Variants in KDM4B observed in about 807,000 individuals in gnomAD.
KDM4B encodes lysine-specific demethylase 4B.
KDM4B carries 32 observed loss-of-function variants against 125.2 expected under a neutral mutation model. The observed-to-expected ratio is 0.26, with a 90% CI of 0.19 to 0.34. The LOEUF is 0.34. Among genes scored for constraint, KDM4B ranks in the 10% least tolerant of loss-of-function variants. The pLI, the probability that KDM4B is intolerant of heterozygous loss-of-function variation, is 1.00. For synonymous variants in KDM4B, 721 were observed against 677.9 expected, an observed-to-expected ratio of 1.06 and a Z score of -0.99; for missense variants, 1,190 against 1,577.7, an observed-to-expected ratio of 0.75 and a Z score of 4.16.
intron 9 of KDM4B, among the ~76,000 whole-genome samples, chr19:5,094,785 G>A (rs936419986): frequency 1.3e-4 from 20 of 152,276 alleles, no homozygotes; most frequent in Admixed American, 7.2e-4. Context: ...ACGTAGCACC[G>A]TATCCATTAA....
chr19:5,066,594 T>A (rs2037777471), intron 6 of KDM4B, among the ~76,000 whole-genome samples: 1 of 152,232 alleles, frequency 6.6e-6, no homozygotes. Flanking sequence ...CACGCTGCTT[T>A]GGCTTGCACA....
chr19:5,113,920 T>A (rs2039202650), intron 10 of KDM4B: 1 of 1,209,740 alleles, frequency 8.3e-7, no homozygotes, highest in East Asian at 5.7e-5. Flanking sequence ...TCGGCACAGC[T>A]GCCTGAGCTC....
chr19:5,151,482 G>C lies in KDM4B; in HGVS notation c.3262G>C (p.Val1088Leu). 1 of 1,481,632 alleles carries C rather than the reference G, an allele frequency of 6.7e-7. No homozygotes were observed. The highest frequency in any genetic ancestry group is 9.0e-7 in the Non-Finnish European group (1 of 1,114,610). 91.8% of individuals were successfully genotyped at this position (1,481,632 alleles called of 1,614,324 possible). A position where few individuals can be genotyped will look rare whatever the true frequency, so the allele number is the denominator to read the frequency against. The change falls in exon 23 of 23, where the codon GTG becomes CTG. Residue 1088 changes from valine (V) to leucine (L), a missense_variant. By Grantham distance (32) the Val-to-Leu change is conservative. This residue lies in a region of KDM4B where 109 missense variants were observed against 93.8 expected (regional missense o/e 1.16). Coordinates refer to ENST00000159111, the MANE Select transcript of KDM4B (RefSeq NM_015015.3). The part of the protein sequence containing the change: ...YVAFVESLLQ[V>L]QGRPGAPF The stretch of plus-strand genomic sequence containing the variant: ...GGCCTTCGTGGAGAGCCTCCTGCAG[G>C]TGCAGGGCCGGCCCGGAGCCCCCTT...
chr19:4,974,538 A>G (rs561751624), intron 1 of KDM4B, among the ~76,000 whole-genome samples: 67 of 152,072 alleles, frequency 4.4e-4, no homozygotes, highest in African/African-American at 1.5e-3. Flanking sequence ...CAGGAGTTTG[A>G]GACCAGCCTG....
chr19:4,984,308 A>G (rs1292700137), intron 1 of KDM4B, among the ~76,000 whole-genome samples: 7 of 152,228 alleles, frequency 4.6e-5, no homozygotes, highest in Admixed American at 4.6e-4. Context: ...AGAAGTTTCT[A>G]AAATCTTTTT....
chr19:5,014,969 T>C (rs2069630047), intron 1 of KDM4B, among the ~76,000 whole-genome samples: 1 of 147,290 alleles, frequency 6.8e-6, no homozygotes, highest in Admixed American at 6.8e-5. Context: ...CACTCCAGCC[T>C]GGGTGACAGA....
In KDM4B at chr19:5,131,910, G is replaced by C. The variant is rs762838326; in HGVS notation, c.1809G>C (p.Leu603Phe). 2.5e-6 allele frequency: 4 copies of C among 1,612,776 alleles called. No homozygotes were observed. The South Asian group carries it at 4.4e-5, about 18-fold the overall frequency. Reference protein sequence around the residue: ...EGQAPSTFSKLKMEIKKSRRH... With the variant: ...EGQAPSTFSKFKMEIKKSRRH... The stretch of plus-strand genomic sequence containing the variant: ...AGGCACCGTCCACATTTTCCAAATT[G>C]AAGATGGAGATCAAGAAGAGCCGGC... Residue 603 changes from leucine to phenylalanine, a missense_variant, in exon 13 of 23, where the codon TTG becomes TTC. Transcript: ENST00000159111.
chr19:5,145,154 C>G (rs1439824476), intron 21 of KDM4B, among the ~76,000 whole-genome samples: 1 of 151,754 alleles, frequency 6.6e-6, no homozygotes, highest in Non-Finnish European at 1.5e-5. Context: ...GACACCTTCT[C>G]AATTTTTCTT....
intron 2 of KDM4B, among the ~76,000 whole-genome samples, chr19:5,027,494 TTTC>T (rs1423475809): frequency 1.3e-5 from 2 of 152,164 alleles, no homozygotes; most frequent in African/African-American, 2.4e-5. Context: ...AGCATTATTC[TTTC>T]TTCTTTCCAT....
At chr19:5,146,291 T>C (rs2039844698) in intron 21 of KDM4B, among the ~76,000 whole-genome samples, 1 of 151,908 alleles carries the variant, frequency 6.6e-6, no homozygotes, top group Admixed American at 6.5e-5. Flanking sequence ...TCTCGACCTG[T>C]CACTGAGCAT....
In KDM4B at chr19:5,144,887, C is replaced by T; in HGVS notation, c.3006C>T (p.Thr1002=). The T allele has an allele frequency of 1.2e-6, 2 of 1,613,150 alleles. No homozygotes were observed. The highest frequency in any genetic ancestry group is 1.7e-6 in the Non-Finnish European group (2 of 1,179,748). Residue 1002 remains threonine (T), a synonymous_variant, in exon 21 of 23, where the codon ACC becomes ACT. Coordinates refer to ENST00000159111, the MANE Select transcript of KDM4B (RefSeq NM_015015.3). ...LYKAKFISSV[T]SHIYQVEFED... is the part of the protein sequence containing the mutation. ...AGGCCAAGTTCATCTCCTCCGTCAC[C>T]AGCCACATCTACCAGGTAAGCGGGG...
intron 5 of KDM4B, 133 bp from the exon 6 acceptor site, chr19:5,047,343 G>A: frequency 1.3e-6 from 1 of 762,194 alleles, no homozygotes. Flanking sequence ...GCCCCTGGGG[G>A]GGCCGCAGAT....
At chr19:5,111,497 AG>A (rs1228113754) in intron 10 of KDM4B, 1 of 765,230 alleles carries the variant, frequency 1.3e-6, no homozygotes. Flanking sequence ...GGGGACACGG[AG>A]GCAGGTCCCG....
intron 6 of KDM4B, among the ~76,000 whole-genome samples, chr19:5,062,316 G>T (rs1363635293): frequency 6.6e-6 from 1 of 152,226 alleles, no homozygotes; most frequent in Non-Finnish European, 1.5e-5. Flanking sequence ...TGACCTGTGG[G>T]GCAGCTGCCT....
intron 9 of KDM4B, among the ~76,000 whole-genome samples, chr19:5,099,382 C>A (rs1312019321): frequency 6.6e-6 from 1 of 152,186 alleles, no homozygotes; most frequent in Non-Finnish European, 1.5e-5. Flanking sequence ...GCTTATATAC[C>A]ATAGGGAAGG....
intron 5 of KDM4B, among the ~76,000 whole-genome samples, chr19:5,044,683 G>T (rs1200461119): frequency 6.6e-6 from 1 of 152,100 alleles, no homozygotes; most frequent in Admixed American, 6.6e-5. Context: ...GAGTAGCTGG[G>T]ATTACAGTGT....
chr19:5,106,398 G>C (rs1329411386), intron 9 of KDM4B, among the ~76,000 whole-genome samples: 1 of 152,156 alleles, frequency 6.6e-6, no homozygotes, highest in African/African-American at 2.4e-5. Flanking sequence ...AAAGATCCAC[G>C]TTGCACCCGT....
chr19:5,104,145 C>T (rs1045360243), intron 9 of KDM4B, among the ~76,000 whole-genome samples: 4 of 152,158 alleles, frequency 2.6e-5, no homozygotes, highest in East Asian at 1.9e-4. Context: ...GGCAGGACCC[C>T]GAGAAGCAGA....
At chr19:5,087,177 C>A (rs2038532354) in intron 9 of KDM4B, among the ~76,000 whole-genome samples, 1 of 152,258 alleles carries the variant, frequency 6.6e-6, no homozygotes, top group Non-Finnish European at 1.5e-5. Flanking sequence ...GCCGTGGGCA[C>A]ACGGAGGCCA....
Sources: gnomAD v4.1 joint callset for allele counts (sites outside exome capture counted in the v4.1 genomes callset) on GRCh38, gnomAD v4.1.1 for gene constraint, gnomAD v4.1.1 regional missense constraint, MANE v1.5 for transcripts, NCBI Gene and HGNC (gene_info 2026-07-23, HGNC 2026-07-21) for gene names.